PUM3: variants seen among roughly 807,000 people sequenced by gnomAD.
PUM3 encodes the protein pumilio homolog 3.
In PUM3, 91 loss-of-function variants were observed where a neutral mutation model predicts 84.0. That is an observed-to-expected ratio of 1.08 (90% CI 0.91 to 1.29). The LOEUF is 1.29. Among genes scored for constraint, PUM3 ranks in the 50% most tolerant of loss-of-function variants. The pLI, the probability that PUM3 is intolerant of heterozygous loss-of-function variation, is 0.00. For missense variants in PUM3, 1,067 were observed against 767.5 expected (o/e 1.39, Z -4.61); for synonymous variants, 321 against 266.7 (o/e 1.20, Z -1.98).
chr9:2,823,686 T>C (rs1418427880), intron 12 of PUM3, 95 bp downstream of exon 12: 5 of 534,362 alleles, frequency 9.4e-6, no homozygotes, highest in Non-Finnish European at 1.7e-5. Context: ...ATTTTCTGCT[T>C]GGTAATTTTC....
chr9:2,817,110 G>T (rs1821485650), intron 13 of PUM3, among the ~76,000 whole-genome samples: 1 of 152,054 alleles, frequency 6.6e-6, no homozygotes, highest in African/African-American at 2.4e-5. Flanking sequence ...ATGTACCCAA[G>T]GAAATATACA....
chr9:2,819,938 A>G (rs951498485), intron 13 of PUM3, 80 bp downstream of exon 13: 9 of 853,232 alleles, frequency 1.1e-5, no homozygotes, highest in Non-Finnish European at 1.4e-5. Flanking sequence ...GTCTTTACAC[A>G]TGCATGGTGA....
intron 2 of PUM3, among the ~76,000 whole-genome samples, chr9:2,837,847 A>C (rs907914610): frequency 6.6e-6 from 1 of 152,186 alleles, no homozygotes; most frequent in Non-Finnish European, 1.5e-5. Context: ...TCATAAGGAC[A>C]TCTAAAATGT....
chr9:2,834,888 G>A (rs111312236), intron 3 of PUM3, among the ~76,000 whole-genome samples: 69 of 151,864 alleles, frequency 4.5e-4, no homozygotes, highest in African/African-American at 1.0e-3. Flanking sequence ...TTGAACTAAT[G>A]ATGCCAAACA....
chr9:2,805,141 C>T (rs1181788796), intron 17 of PUM3, among the ~76,000 whole-genome samples: 1 of 152,200 alleles, frequency 6.6e-6, no homozygotes, highest in Non-Finnish European at 1.5e-5. Flanking sequence ...CCACCTTCCA[C>T]CTCACAGAGT....
At chr9:2,825,318 C>A (rs17656924) in intron 10 of PUM3, among the ~76,000 whole-genome samples, 4,304 of 152,232 alleles carry the variant, frequency 0.028, 82 homozygotes, top group Non-Finnish European at 0.041. Context: ...TTACCATAAA[C>A]ACGCTTACAT....
chr9:2,825,775 T>G (rs2129844338), intron 10 of PUM3, among the ~76,000 whole-genome samples: 1 of 152,284 alleles, frequency 6.6e-6, no homozygotes, highest in South Asian at 2.1e-4. Flanking sequence ...CCACCGTGCC[T>G]GGCCCTATAT....
intron 7 of PUM3, 39 bp from the exon 8 acceptor site, chr9:2,829,987 G>A (rs751258751): frequency 1.3e-6 from 2 of 1,561,514 alleles, no homozygotes; most frequent in South Asian, 1.1e-5. Context: ...AATGATAGAA[G>A]GAGAAAGCTG....
intron 13 of PUM3, among the ~76,000 whole-genome samples, chr9:2,814,644 T>A (rs527817922): frequency 6.6e-6 from 1 of 152,374 alleles, no homozygotes; most frequent in Admixed American, 6.5e-5. Flanking sequence ...CTTTGTTATA[T>A]ATTTTGTTAA....
In PUM3 at chr9:2,831,016, T is replaced by A; in HGVS notation, c.623A>T (p.Glu208Val). The change falls in exon 7 of 18, where the codon GAG becomes GTG. Residue 208 changes from glutamate (E) to valine (V), a missense_variant. By Grantham distance (121) the Glu-to-Val change is moderately radical. Coordinates refer to ENST00000397885, the MANE Select transcript of PUM3 (RefSeq NM_014878.5). ...AFEELRDDLVELSKAKYSRNI... is the reference protein window; with the variant it reads ...AFEELRDDLVVLSKAKYSRNI... ...TCTCGAATATTTGGCTTTACTTAAC[T>A]CAACCAAATCATCTGAAAAACAAAA... 6.7e-7 allele frequency: 1 copy of A among 1,486,268 alleles called. No individual in the cohort carries two copies. Among genetic ancestry groups the A allele is most frequent in the Non-Finnish European group, 9.3e-7 (1 of 1,070,764 alleles). The allele number at this position is 1,486,268 out of a possible 1,614,324, so 92.1% of individuals were successfully genotyped here. A position where few individuals can be genotyped will look rare whatever the true frequency, so the allele number is the denominator to read the frequency against.
intron 3 of PUM3, among the ~76,000 whole-genome samples, chr9:2,835,882 TTTCCTCATATCAATGTGAGAAA>T: frequency 6.6e-6 from 1 of 152,242 alleles, no homozygotes; most frequent in East Asian, 1.9e-4. Flanking sequence ...AAATCATAAC[TTTCCTCATATCAATGTGAGAAA>T]TTAATGTATA....
chr9:2,839,824 T>A (rs780770248), intron 1 of PUM3, among the ~76,000 whole-genome samples: 27 of 152,248 alleles, frequency 1.8e-4, no homozygotes, highest in Non-Finnish European at 3.5e-4. Flanking sequence ...GTTTTCTCTG[T>A]ATGTTTGTTC....
At chr9:2,820,655 A>G (rs1162272555) in intron 12 of PUM3, among the ~76,000 whole-genome samples, 1 of 152,150 alleles carries the variant, frequency 6.6e-6, no homozygotes, top group African/African-American at 2.4e-5. Context: ...TATATTGCTC[A>G]ATTTCTTTAA....
intron 2 of PUM3, 90 bp downstream of exon 2, chr9:2,838,336 C>T (rs2129888286): frequency 1.2e-6 from 1 of 859,028 alleles, no homozygotes; most frequent in South Asian, 1.4e-5. Context: ...AATCCTAATC[C>T]TAGCCAATGA....
intron 13 of PUM3, among the ~76,000 whole-genome samples, chr9:2,818,065 G>A (rs1270199924): frequency 6.6e-6 from 1 of 152,216 alleles, no homozygotes; most frequent in African/African-American, 2.4e-5. Context: ...GACATTTTGG[G>A]AAGTCTGGTG....
chr9:2,820,144 T>A, intron 12 of PUM3, 46 bp from the exon 13 acceptor site: 1 of 1,155,928 alleles, frequency 8.7e-7, no homozygotes, highest in South Asian at 1.3e-5. Context: ...AGTGCATAGA[T>A]CTTCCCTCTT....
At chr9:2,821,274 C>T (rs772526773) in intron 12 of PUM3, among the ~76,000 whole-genome samples, 4 of 151,740 alleles carry the variant, frequency 2.6e-5, no homozygotes, top group Admixed American at 6.6e-5. Context: ...GAAACCCCAT[C>T]TCTACTACTA....
chr9:2,827,683 T>A (rs930761324), intron 9 of PUM3, among the ~76,000 whole-genome samples: 1 of 152,212 alleles, frequency 6.6e-6, no homozygotes, highest in Non-Finnish European at 1.5e-5. Flanking sequence ...TGGAGGCCGA[T>A]GGTCAGGCAT....
chr9:2,826,559 T>A (rs556797041), intron 10 of PUM3, among the ~76,000 whole-genome samples: 2 of 152,346 alleles, frequency 1.3e-5, no homozygotes, highest in African/African-American at 4.8e-5. Context: ...GCAAGCAAAG[T>A]TCAGGGAACT....
Sources: gnomAD v4.1 joint callset for allele counts (sites outside exome capture counted in the v4.1 genomes callset) on GRCh38, gnomAD v4.1.1 for gene constraint, MANE v1.5 for transcripts, NCBI Gene and HGNC (gene_info 2026-07-23, HGNC 2026-07-21) for gene names.